CYP39A1: variants seen among roughly 807,000 people sequenced by gnomAD.
CYP39A1 encodes the protein 24-hydroxycholesterol 7-alpha-hydroxylase.
Under a neutral mutation model 58.1 loss-of-function variants are expected in CYP39A1, and 49 were observed. The ratio of observed to expected loss-of-function variants is 0.84; its 90% CI spans 0.67 to 1.07. The LOEUF is 1.07. CYP39A1 is among the 50% of genes least tolerant of loss of function. The pLI is 0.00. For synonymous variants in CYP39A1, 209 were observed against 187.6 expected (o/e 1.11, Z -0.93); for missense variants, 531 against 539.4 (o/e 0.98, Z 0.16).
chr6:46,553,705 G>A, intron 11 of CYP39A1, 62 bp downstream of exon 11: 1 of 1,098,760 alleles, frequency 9.1e-7, no homozygotes, highest in East Asian at 2.4e-5. Context: ...ATTGGGGGAA[G>A]TGGGGGTGGT....
chr6:46,569,612 G>T (rs1582308637), intron 10 of CYP39A1, among the ~76,000 whole-genome samples: 1 of 151,830 alleles, frequency 6.6e-6, no homozygotes, highest in African/African-American at 2.4e-5. Context: ...TGCTCTTTCT[G>T]CATCCATTGA....
At chr6:46,610,018 G>A (rs1023527857) in intron 7 of CYP39A1, among the ~76,000 whole-genome samples, 1 of 152,124 alleles carries the variant, frequency 6.6e-6, no homozygotes, top group African/African-American at 2.4e-5. Context: ...TTCACTCACC[G>A]CTATCCCCGC....
At position 46,575,919 on chromosome 6, in the gene CYP39A1, G is replaced by A. The variant is rs577849322; in HGVS notation, c.1250+11158C>T. On this transcript the variant is annotated intron_variant, in intron 10 of 11. Transcript: ENST00000275016. ...GGGCATTGTATTAGTCCATTCTCAC[G>A]TTGATATAAAGAAATACCTGAGACT... 6.0e-4 allele frequency among the ~76,000 whole-genome samples: 92 copies of A among 152,268 alleles called. No homozygotes were observed. The Middle Eastern group carries it at 0.01, about 17-fold the overall frequency.
Position 46,550,440 on chromosome 6 carries a change from A to C in CYP39A1, c.1339-3T>G. The C allele has an allele frequency of 6.2e-7, 1 of 1,609,458 alleles. No homozygotes were observed. The highest frequency in any genetic ancestry group is 8.5e-7 in the Non-Finnish European group (1 of 1,177,616). Reference sequence around the variant, plus strand: ...ACACCCACCAAATGGAGATAACTCTAAAAACAGAAATGCAGAAGAAATAGA... The same window carrying C: ...ACACCCACCAAATGGAGATAACTCTCAAAACAGAAATGCAGAAGAAATAGA... On this transcript the variant is annotated splice_polypyrimidine_tract_variant and splice_region_variant and intron_variant, in intron 11 of 11. Coordinates refer to ENST00000275016, the MANE Select transcript of CYP39A1 (RefSeq NM_016593.5).
intron 1 of CYP39A1, among the ~76,000 whole-genome samples, chr6:46,643,281 A>C (rs1011656712): frequency 6.6e-6 from 1 of 152,212 alleles, no homozygotes; most frequent in East Asian, 1.9e-4. Context: ...ATACTTTCAT[A>C]TTCCATTACA....
At chr6:46,555,621 C>G (rs1770634897) in intron 10 of CYP39A1, among the ~76,000 whole-genome samples, 1 of 152,164 alleles carries the variant, frequency 6.6e-6, no homozygotes, top group Non-Finnish European at 1.5e-5. Context: ...TATATTACAG[C>G]TAGAATTTGC....
Position 46,652,548 on chromosome 6 carries a change from AG to A in CYP39A1, c.34del (p.Leu12TrpfsTer39). On this transcript the variant is annotated frameshift_variant, in exon 1 of 12. Coordinates refer to ENST00000275016, the MANE Select transcript of CYP39A1 (RefSeq NM_016593.5). LOFTEE classifies it high-confidence loss of function. ...GAGTAAGAACAGAGCAAGGCAACCC[AG>A]GATTATAATCACTGTTGGGGAAATT... ...ELISPTVIII[L>X]GCLALFLLLQ... 1 of 1,610,622 alleles carries A rather than the reference AG, an allele frequency of 6.2e-7. No homozygotes were observed. The highest frequency in any genetic ancestry group is 8.5e-7 in the Non-Finnish European group (1 of 1,178,692).
At position 46,645,358 on chromosome 6, in the gene CYP39A1, G is replaced by T. The variant is rs565698799; in HGVS notation, c.178-3060C>A. Among the ~76,000 whole-genome samples, 124 of 152,172 alleles carry T rather than the reference G, an allele frequency of 8.1e-4. 1 individual carries two copies. Among genetic ancestry groups the T allele is most frequent in the Non-Finnish European group, 1.3e-3 (89 of 67,988 alleles). On this transcript the variant is annotated intron_variant, in intron 1 of 11. Coordinates refer to ENST00000275016, the MANE Select transcript of CYP39A1 (RefSeq NM_016593.5). ...GAAATTCATGTTTTGTGTGTGTTGG[G>T]GGTGGTTCTTTGTTGTTGTTTTGTT...
intron 7 of CYP39A1, among the ~76,000 whole-genome samples, chr6:46,622,094 T>C (rs1247533736): frequency 6.6e-6 from 1 of 152,092 alleles, no homozygotes; most frequent in Non-Finnish European, 1.5e-5. Context: ...ATCATATGTT[T>C]CCATTTATAT....
At chr6:46,610,835 C>A (rs1381646767) in intron 7 of CYP39A1, among the ~76,000 whole-genome samples, 3 of 152,142 alleles carry the variant, frequency 2.0e-5, no homozygotes, top group Admixed American at 1.3e-4. Context: ...TGTTTTAAAA[C>A]ATACATATTT....
intron 10 of CYP39A1, among the ~76,000 whole-genome samples, chr6:46,572,547 G>T (rs1456723734): frequency 1.3e-5 from 2 of 152,086 alleles, no homozygotes; most frequent in Non-Finnish European, 2.9e-5. Flanking sequence ...TTTTATAAAG[G>T]TTCTCTTGTA....
chr6:46,605,221 C>T (rs553513832), intron 7 of CYP39A1, among the ~76,000 whole-genome samples: 1 of 152,094 alleles, frequency 6.6e-6, no homozygotes. Context: ...TATGTTAGAA[C>T]CCCTGAATGT....
rs1035941236 is a variant in CYP39A1 at position 46,631,232 on chromosome 6, A to G, written c.733-162T>C. 2.0e-5 allele frequency among the ~76,000 whole-genome samples: 3 copies of G among 151,616 alleles called. No individual in the cohort carries two copies. The South Asian group carries it at 6.2e-4, about 31-fold the overall frequency. ...GTGAAGGGATTTATGTCCTTACTGT[A>G]GTATAGTAATTAGGAGTAGGGATTC... On this transcript the variant is annotated intron_variant, in intron 5 of 11. Coordinates refer to ENST00000275016, the MANE Select transcript of CYP39A1 (RefSeq NM_016593.5).
intron 7 of CYP39A1, among the ~76,000 whole-genome samples, chr6:46,606,141 T>C (rs1303775587): frequency 1.3e-5 from 2 of 152,124 alleles, no homozygotes; most frequent in African/African-American, 2.4e-5. Context: ...AAAGTACTCT[T>C]AGTAAGTTAA....
At chr6:46,569,188 T>C (rs188298378) in intron 10 of CYP39A1, among the ~76,000 whole-genome samples, 129 of 152,212 alleles carry the variant, frequency 8.5e-4, no homozygotes, top group African/African-American at 3.1e-3. Context: ...GATTGTTCAG[T>C]TAGTATATAA....
chr6:46,648,021 G>A (rs1762437161), intron 1 of CYP39A1, among the ~76,000 whole-genome samples: 1 of 152,144 alleles, frequency 6.6e-6, no homozygotes, highest in African/African-American at 2.4e-5. Context: ...AACAGGTGCT[G>A]GAGAGCATGT....
intron 10 of CYP39A1, among the ~76,000 whole-genome samples, chr6:46,568,830 C>G (rs1025296211): frequency 1.3e-4 from 20 of 151,952 alleles, no homozygotes; most frequent in African/African-American, 4.6e-4. Flanking sequence ...TGAGAGTCCT[C>G]CATTTTGTTC....
At chr6:46,597,986 CT>C (rs1773269844) in intron 7 of CYP39A1, among the ~76,000 whole-genome samples, 1 of 152,098 alleles carries the variant, frequency 6.6e-6, no homozygotes, top group Non-Finnish European at 1.5e-5. Flanking sequence ...GTTGGTTTTC[CT>C]TTTCCGTAAC....
At chr6:46,580,671 TA>T (rs35549640) in intron 10 of CYP39A1, among the ~76,000 whole-genome samples, 1 of 151,584 alleles carries the variant, frequency 6.6e-6, no homozygotes, top group Non-Finnish European at 1.5e-5. Context: ...CAACCCCATT[TA>T]AAAAAAATGG....
Sources: allele counts gnomAD v4.1 joint callset (sites outside exome capture counted in the v4.1 genomes callset), GRCh38; gene constraint gnomAD v4.1.1; transcripts MANE v1.5; gene names NCBI Gene and HGNC (gene_info 2026-07-23, HGNC 2026-07-21).